The following SMARCA4 variants were observed in gnomAD, a reference collection of about 807,000 sequenced individuals.
The protein encoded by SMARCA4 is SWI/SNF related BAF chromatin remodeling complex subunit ATPase 4, also known as SWI/SNF-related matrix-associated actin-dependent regulator of chromatin subfamily A member 4.
Under a neutral mutation model 193.9 loss-of-function variants are expected in SMARCA4, and 31 were observed. The ratio of observed to expected loss-of-function variants is 0.16; its 90% confidence interval spans 0.12 to 0.22. The LOEUF (loss-of-function observed/expected upper bound fraction) is 0.22. Ranked by LOEUF, SMARCA4 falls within the 10% of genes least tolerant of loss-of-function variation. The probability of loss-of-function intolerance (pLI) is 1.00; values close to 1 mark genes in which losing one functional copy is unlikely to be tolerated. For missense variants in SMARCA4, 1,148 were observed against 2,296.0 expected (o/e 0.50, Z 10.22); for synonymous variants, 942 against 933.1 (o/e 1.01, Z -0.17).
intron 1 of SMARCA4, among the ~76,000 whole-genome samples, chr19:10,979,018 C>T (rs2085356637): frequency 6.6e-6 from 1 of 151,932 alleles, no homozygotes; most frequent in Non-Finnish European, 1.5e-5. Flanking sequence ...TGCTCCGTGC[C>T]ATTAGTTGTG....
In SMARCA4 at chr19:11,019,695, C is replaced by T. The variant is rs1339020579; in HGVS notation, c.2610C>T (p.Leu870=). 5.6e-6 allele frequency: 9 copies of T among 1,610,462 alleles called. No homozygotes were observed. The highest frequency in any genetic ancestry group is 1.7e-4 in the Middle Eastern group (1 of 6,052). The part of the protein sequence containing the change: ...YEYIIKDKHI[L]AKIRWKYMIV... ...ACATCATCAAAGACAAGCACATCCT[C>T]GCCAAGGTAACGTGTCCCTGTGGGA... Residue 870 remains leucine, a synonymous_variant, in exon 18 of 35, where the codon CTC becomes CTT. Transcript: ENST00000344626. This position sits in a 1 kb window ranked among gnomAD's most constrained non-coding sequence, Gnocchi z 6.1.
chr19:11,021,917 A>T lies in SMARCA4; in HGVS notation c.2809A>T (p.Ser937Cys), dbSNP rs1422754446. The T allele has an allele frequency of 6.2e-7, 1 of 1,613,428 alleles. No homozygotes were observed. Among genetic ancestry groups the T allele is most frequent in the Admixed American group, 1.7e-5 (1 of 60,006 alleles). Residue 937 changes from serine (S) to cysteine (C), a missense_variant, in exon 19 of 35, where the codon AGC (serine) becomes TGC (cysteine). Around this residue, in one of 17 missense-constraint regions of SMARCA4, gnomAD observed 74 missense variants for 392.3 expected, o/e 0.19. Coordinates refer to ENST00000344626, the MANE Select transcript of SMARCA4 (RefSeq NM_003072.5). ...FLLPTIFKSC[S>C]TFEQWFNAPF... ...GCTGCCCACCATCTTCAAGAGCTGC[A>T]GCACCTTCGAGCAGTGGTTTAACGC...
rs1223829200 is a variant in SMARCA4 at position 11,055,378 on chromosome 19, C to T, written c.4425-2877C>T. Among the ~76,000 whole-genome samples, 5 of 152,100 alleles carry T rather than the reference C, an allele frequency of 3.3e-5. No individual in the cohort carries two copies. The South Asian group carries it at 8.3e-4, about 25-fold the overall frequency. On this transcript the variant is annotated intron_variant, in intron 30 of 34. Coordinates refer to ENST00000344626, the MANE Select transcript of SMARCA4 (RefSeq NM_003072.5). ...CTCATTTTTGTATTTTTAGTAGAGACGGGGTATCACTATCTTGGCCAGGCT... is the reference window on the plus strand; with the variant it reads ...CTCATTTTTGTATTTTTAGTAGAGATGGGGTATCACTATCTTGGCCAGGCT...
intron 18 of SMARCA4, 154 bp from the exon 19 acceptor site, chr19:11,021,571 A>C (rs2089871242): frequency 2.2e-6 from 2 of 930,194 alleles, no homozygotes; most frequent in African/African-American, 3.3e-5. Flanking sequence ...TCGGTGAGTC[A>C]GCCCCGGGGC....
At chr19:11,011,069 C>T (rs2088791307) in intron 15 of SMARCA4, 1 of 214,016 alleles carries the variant, frequency 4.7e-6, no homozygotes, top group Admixed American at 5.2e-5. Context: ...CTCTGAAGCT[C>T]TTCACCTGGG....
chr19:11,026,141 GT>G (rs2090236728), intron 22 of SMARCA4, among the ~76,000 whole-genome samples, 158 bp from the exon 23 acceptor site: 1 of 152,212 alleles, frequency 6.6e-6, no homozygotes, highest in South Asian at 2.1e-4. Flanking sequence ...AAGAAAGATG[GT>G]TTTGGCATCT....
intron 1 of SMARCA4, among the ~76,000 whole-genome samples, chr19:10,976,051 C>T (rs1359973677): frequency 2.0e-5 from 3 of 152,158 alleles, no homozygotes; most frequent in Non-Finnish European, 4.4e-5. Flanking sequence ...CGTGAATTTC[C>T]CCTGCTAGTG....
chr19:11,033,469 G>A lies in SMARCA4; in HGVS notation c.3726G>A (p.Glu1242=), dbSNP rs1396665681. The A allele has an allele frequency of 6.2e-6, 10 of 1,613,372 alleles. No homozygotes were observed. The South Asian group carries it at 7.7e-5, about 12-fold the overall frequency. ...TCGACCAGAAGTCCTCCAGCCATGAGCGGCGCGCCTTCCTGCAGGCCATCC... is the reference window on the plus strand; with the variant it reads ...TCGACCAGAAGTCCTCCAGCCATGAACGGCGCGCCTTCCTGCAGGCCATCC... The part of the protein sequence containing the change: ...GMFDQKSSSH[E]RRAFLQAILE... Residue 1242 remains glutamate (E), a synonymous_variant, in exon 26 of 35, where the codon GAG becomes GAA. Coordinates refer to ENST00000344626, the MANE Select transcript of SMARCA4 (RefSeq NM_003072.5). The surrounding 1 kb of genome is among the most constrained non-coding windows in gnomAD (Gnocchi z 9.8).
In SMARCA4 at chr19:11,034,284, G is replaced by A. The variant is rs151107656; in HGVS notation, c.3951+84G>A. On this transcript the variant is annotated intron_variant, in intron 28 of 34. Coordinates refer to ENST00000344626, the MANE Select transcript of SMARCA4 (RefSeq NM_003072.5). This position sits in a 1 kb window ranked among gnomAD's most constrained non-coding sequence, Gnocchi z 7.0. Reference sequence around the variant, plus strand: ...CAAAGCAGACGTCCTAGTGCCCATGGTGGTATCCCTAGCAGGTCAGGGAGC... The same window carrying A: ...CAAAGCAGACGTCCTAGTGCCCATGATGGTATCCCTAGCAGGTCAGGGAGC... The A allele has an allele frequency of 8.7e-4, 946 of 1,086,606 alleles. 5 individuals are homozygous for A. The African/African-American group carries it at 0.013, about 15-fold the overall frequency. 67.3% of individuals were successfully genotyped at this position (1,086,606 alleles called of 1,614,324 possible).
rs760818263 is a variant in SMARCA4 at position 10,986,158 on chromosome 19, G to A, written c.356-31G>A. The stretch of plus-strand genomic sequence containing the variant: ...GTAAAAATCACAGACATATGCTGCC[G>A]AGTGACCAGTGGGCTGACCTTTCTC... On this transcript the variant is annotated intron_variant, in intron 3 of 34. Coordinates refer to ENST00000344626, the MANE Select transcript of SMARCA4 (RefSeq NM_003072.5). This position sits in a 1 kb window ranked among gnomAD's most constrained non-coding sequence, Gnocchi z 6.7. 15 of 1,563,660 alleles carry A rather than the reference G, an allele frequency of 9.6e-6. No individual in the cohort carries two copies. Among genetic ancestry groups the A allele is most frequent in the East Asian group, 2.2e-5 (1 of 44,628 alleles).
chr19:10,974,919 T>C (rs1186854388), intron 1 of SMARCA4, among the ~76,000 whole-genome samples: 1 of 150,220 alleles, frequency 6.7e-6, no homozygotes, highest in African/African-American at 2.4e-5. Flanking sequence ...TTTGCCAGGC[T>C]GGTCTCGATC....
At position 11,058,728 on chromosome 19, in the gene SMARCA4, G is replaced by C; in HGVS notation, c.4534-60G>C. On this transcript the variant is annotated intron_variant, in intron 31 of 34. Transcript: ENST00000344626. This position sits in a 1 kb window ranked among gnomAD's most constrained non-coding sequence, Gnocchi z 5.8. ...CCGTGGGGTCTCCAGCACACAGCCA[G>C]GCCTGCGGGCAGGCGAGGCGGGGTC... The C allele has an allele frequency of 7.1e-7, 1 of 1,410,856 alleles. No individual in the cohort carries two copies. 87.4% of individuals were successfully genotyped at this position (1,410,856 alleles called of 1,614,324 possible). A position where few individuals can be genotyped will look rare whatever the true frequency, so the allele number is the denominator to read the frequency against.
rs1398457701 is a variant in SMARCA4 at position 11,034,177 on chromosome 19, G to A, written c.3928G>A (p.Glu1310Lys). Residue 1310 changes from glutamate to lysine, a missense_variant, in exon 28 of 35, where the codon GAG (glutamate) becomes AAG (lysine). Physicochemically the swap from Glu to Lys is moderately conservative, Grantham distance 56. Around this residue, in one of 17 missense-constraint regions of SMARCA4, gnomAD observed 84 missense variants for 202.2 expected, o/e 0.42. Coordinates refer to ENST00000344626, the MANE Select transcript of SMARCA4 (RefSeq NM_003072.5). This position sits in a 1 kb window ranked among gnomAD's most constrained non-coding sequence, Gnocchi z 7.0. ...CGTCAACCAGATGATCGCCCGGCAC[G>A]AGGAGGAGTTTGATCTGTTCATGGT... ...ETVNQMIARH[E>K]EEFDLFMRMD... The A allele has an allele frequency of 6.2e-7, 1 of 1,613,818 alleles. No homozygotes were observed. Among genetic ancestry groups the A allele is most frequent in the Non-Finnish European group, 8.5e-7 (1 of 1,179,898 alleles).
intron 13 of SMARCA4, among the ~76,000 whole-genome samples, chr19:11,004,867 T>C (rs924623545): frequency 2.7e-5 from 4 of 150,634 alleles, no homozygotes; most frequent in Non-Finnish European, 5.9e-5. Flanking sequence ...TGAGACGGAG[T>C]CTCGCTCTGT....
At chr19:11,035,441 T>C (rs2075211459) in intron 29 of SMARCA4, among the ~76,000 whole-genome samples, 1 of 152,246 alleles carries the variant, frequency 6.6e-6, no homozygotes, top group Admixed American at 6.5e-5. Flanking sequence ...GTTGCTGATC[T>C]CAGTGGACTG....
At chr19:11,061,198 A>ATATATATAT (rs1265933150) in intron 34 of SMARCA4, among the ~76,000 whole-genome samples, 1 of 76,264 alleles carries the variant, frequency 1.3e-5, no homozygotes, top group African/African-American at 5.6e-5. Context: ...TAAAAAAAAA[A>ATATATATAT]AAAAAAATAT....
At chr19:11,006,822 A>T (rs2088256243) in intron 13 of SMARCA4, among the ~76,000 whole-genome samples, 1 of 152,042 alleles carries the variant, frequency 6.6e-6, no homozygotes, top group African/African-American at 2.4e-5. Context: ...GCAGTGGCTC[A>T]TACCTGTAAT....
chr19:10,989,523 C>T, intron 7 of SMARCA4, 80 bp downstream of exon 7: 6 of 1,543,912 alleles, frequency 3.9e-6, no homozygotes, highest in Admixed American at 1.7e-5. Flanking sequence ...ATACGGCTTG[C>T]CTGGCTAGTA....
intron 14 of SMARCA4, among the ~76,000 whole-genome samples, chr19:11,008,925 G>A (rs2088514929): frequency 7.1e-6 from 1 of 140,072 alleles, no homozygotes; most frequent in South Asian, 2.3e-4. Context: ...AGTGAGCTGA[G>A]ATAGCGCCAC....
Sources: allele counts gnomAD v4.1 joint callset (sites outside exome capture counted in the v4.1 genomes callset), GRCh38; gene constraint gnomAD v4.1.1; regional missense constraint gnomAD v4.1.1; non-coding constraint Gnocchi (gnomAD v3.1); transcripts MANE v1.5; gene names NCBI Gene and HGNC (gene_info 2026-07-23, HGNC 2026-07-21).